The following SUCLG2 variants were observed in gnomAD, a reference collection of about 807,000 sequenced individuals.
The protein encoded by SUCLG2 is succinate-CoA ligase GDP-forming subunit beta.
A neutral mutation model predicts 47.9 loss-of-function variants in SUCLG2; 42 were observed. The observed-to-expected ratio is 0.88, with a 90% confidence interval of 0.69 to 1.14. The LOEUF (loss-of-function observed/expected upper bound fraction) is 1.14, where lower values mean the gene tolerates loss of function less well. Among genes scored for constraint, SUCLG2 ranks in the 50% most tolerant of loss-of-function variants. SUCLG2 has a pLI of 0.00. For synonymous variants in SUCLG2, 195 were observed against 197.3 expected, an observed-to-expected ratio of 0.99 and a Z score of 0.10; for missense variants, 571 against 525.9, an observed-to-expected ratio of 1.09 and a Z score of -0.84.
intron 9 of SUCLG2, among the ~76,000 whole-genome samples, chr3:67,470,370 G>C (rs1252685302): frequency 2.0e-5 from 3 of 152,140 alleles, no homozygotes; most frequent in African/African-American, 7.2e-5. Context: ...TGCTGAGTCT[G>C]TAACTGCATT....
At chr3:67,601,500 G>A (rs1172068609) in intron 2 of SUCLG2, among the ~76,000 whole-genome samples, 5 of 152,096 alleles carry the variant, frequency 3.3e-5, no homozygotes, top group Admixed American at 6.5e-5. Flanking sequence ...CCTAGGTAAA[G>A]TTTTTCTGTT....
intron 4 of SUCLG2, among the ~76,000 whole-genome samples, chr3:67,522,275 A>G (rs1706128900): frequency 6.6e-6 from 1 of 151,922 alleles, no homozygotes; most frequent in Non-Finnish European, 1.5e-5. Flanking sequence ...AAACTCCTGG[A>G]CTCAAGCAAT....
intron 2 of SUCLG2, among the ~76,000 whole-genome samples, chr3:67,555,001 C>T (rs182494935): frequency 4.6e-5 from 7 of 152,088 alleles, no homozygotes; most frequent in Non-Finnish European, 7.4e-5. Context: ...CACAAAGACA[C>T]GGTAGTAGCA....
rs549677442 is a variant in SUCLG2 at position 67,387,365 on chromosome 3, G to C, written c.1184-11506C>G. On this transcript the variant is annotated intron_variant, in intron 10 of 10. Coordinates refer to ENST00000307227, the MANE Select transcript of SUCLG2 (RefSeq NM_003848.4). Reference sequence around the variant, plus strand: ...GTGATCAGAGACCCTCAGATTTTAAGAGTCAACTCTTCTCCTGTTCTTAAA... The same window carrying C: ...GTGATCAGAGACCCTCAGATTTTAACAGTCAACTCTTCTCCTGTTCTTAAA... Among the ~76,000 whole-genome samples, 19 of 152,270 alleles carry C rather than the reference G, an allele frequency of 1.2e-4. No individual in the cohort carries two copies. In the South Asian group the frequency reaches 3.9e-3, roughly 32 times the overall value.
chr3:67,462,922 CT>C (rs1327580447), intron 9 of SUCLG2, among the ~76,000 whole-genome samples: 1 of 152,188 alleles, frequency 6.6e-6, no homozygotes, highest in African/African-American at 2.4e-5. Flanking sequence ...GAATTGATTG[CT>C]TGCTTACTGG....
intron 9 of SUCLG2, among the ~76,000 whole-genome samples, chr3:67,443,014 G>T (rs534768977): frequency 6.6e-6 from 1 of 152,044 alleles, no homozygotes; most frequent in African/African-American, 2.4e-5. Flanking sequence ...AAAAAAGGAC[G>T]GTTTTGCCTG....
At chr3:67,481,480 T>C (rs944598072) in intron 9 of SUCLG2, among the ~76,000 whole-genome samples, 1 of 152,232 alleles carries the variant, frequency 6.6e-6, no homozygotes, top group Non-Finnish European at 1.5e-5. Context: ...GTCCCTACTT[T>C]AGACCAGGGC....
chr3:67,471,883 A>G (rs1704614728), intron 9 of SUCLG2, among the ~76,000 whole-genome samples: 1 of 152,212 alleles, frequency 6.6e-6, no homozygotes, highest in Non-Finnish European at 1.5e-5. Flanking sequence ...GTGAGAGGTG[A>G]GAAAACAAGT....
At chr3:67,531,291 A>G (rs766202920) in intron 2 of SUCLG2, among the ~76,000 whole-genome samples, 5 of 152,198 alleles carry the variant, frequency 3.3e-5, no homozygotes, top group Non-Finnish European at 7.3e-5. Context: ...TGATCACTTC[A>G]AATTCTTTAC....
intron 9 of SUCLG2, among the ~76,000 whole-genome samples, chr3:67,415,078 A>G (rs897380668): frequency 6.6e-6 from 1 of 152,196 alleles, no homozygotes; most frequent in East Asian, 1.9e-4. Flanking sequence ...CTGGTCCCGA[A>G]ATCCTGGGCT....
intron 10 of SUCLG2, among the ~76,000 whole-genome samples, chr3:67,379,896 T>C (rs1173794672): frequency 6.6e-6 from 1 of 152,204 alleles, no homozygotes; most frequent in Non-Finnish European, 1.5e-5. Flanking sequence ...TGAAGTCTTA[T>C]TGGGATGACT....
intron 2 of SUCLG2, among the ~76,000 whole-genome samples, chr3:67,600,399 G>C (rs781651928): frequency 6.6e-6 from 1 of 152,142 alleles, no homozygotes; most frequent in Non-Finnish European, 1.5e-5. Context: ...AATGTGTTTC[G>C]TTTATCTTTG....
intron 8 of SUCLG2, 82 bp from the exon 9 acceptor site, chr3:67,496,022 G>A: frequency 1.3e-6 from 2 of 1,553,728 alleles, no homozygotes; most frequent in Non-Finnish European, 1.8e-6. Context: ...CCCCCATATT[G>A]CCAAGAGAGA....
chr3:67,613,345 C>G (rs1559596694), intron 1 of SUCLG2, among the ~76,000 whole-genome samples: 2 of 152,174 alleles, frequency 1.3e-5, no homozygotes, highest in Non-Finnish European at 2.9e-5. Flanking sequence ...TCCCAAGGGT[C>G]TTAGGAACTG....
chr3:67,519,378 G>T (rs188450180), intron 5 of SUCLG2, among the ~76,000 whole-genome samples: 5 of 152,180 alleles, frequency 3.3e-5, no homozygotes, highest in Non-Finnish European at 7.3e-5. Flanking sequence ...TTTCTGAAAC[G>T]TACATATAGC....
intron 9 of SUCLG2, among the ~76,000 whole-genome samples, chr3:67,452,032 C>G (rs955207832): frequency 3.3e-5 from 5 of 152,072 alleles, no homozygotes; most frequent in African/African-American, 1.2e-4. Flanking sequence ...TGTCAACTCC[C>G]TAGAATCATC....
chr3:67,427,585 C>T (rs1345350318), intron 9 of SUCLG2, among the ~76,000 whole-genome samples: 1 of 152,152 alleles, frequency 6.6e-6, no homozygotes, highest in Non-Finnish European at 1.5e-5. Context: ...CCATTTCCAA[C>T]TGAGGTACGA....
intron 9 of SUCLG2, among the ~76,000 whole-genome samples, chr3:67,444,252 A>T (rs1467545790): frequency 1.6e-4 from 6 of 38,148 alleles, no homozygotes; most frequent in South Asian, 3.4e-3. Flanking sequence ...GGAGCCCCTC[A>T]GCCCGGCCAG....
Position 67,443,933 on chromosome 3 carries a change from G to A in SUCLG2, c.1063-43082C>T, listed in dbSNP as rs1230078200. 4.8e-3 allele frequency among the ~76,000 whole-genome samples: 461 copies of A among 95,886 alleles called. 4 individuals are homozygous for A. Among genetic ancestry groups the A allele is most frequent in the African/African-American group, 0.015 (425 of 29,004 alleles). 62.9% of individuals were successfully genotyped at this position (95,886 alleles called of 152,430 possible). A position where few individuals can be genotyped will look rare whatever the true frequency, so the allele number is the denominator to read the frequency against. On this transcript the variant is annotated intron_variant, in intron 9 of 10. Coordinates refer to ENST00000307227, the MANE Select transcript of SUCLG2 (RefSeq NM_003848.4). The stretch of plus-strand genomic sequence containing the variant: ...TGGGAAGTGAGGAGCGTCTCCGCCC[G>A]GCAGCCACCCCGTCCGGGAGGGAGG...
Sources: allele counts gnomAD v4.1 joint callset (sites outside exome capture counted in the v4.1 genomes callset), GRCh38; gene constraint gnomAD v4.1.1; transcripts MANE v1.5; gene names NCBI Gene and HGNC (gene_info 2026-07-23, HGNC 2026-07-21).